The following STXBP5L variants were observed in gnomAD, a reference collection of about 807,000 sequenced individuals.
STXBP5L encodes syntaxin binding protein 5L, also known as syntaxin-binding protein 5-like.
STXBP5L carries 65 observed loss-of-function variants against 144.5 expected under a neutral mutation model. That is an observed-to-expected ratio of 0.45 (90% CI 0.37 to 0.55). STXBP5L has a LOEUF of 0.55. Ranked by LOEUF, STXBP5L falls within the 20% of genes least tolerant of loss-of-function variation. The pLI is 0.00. For synonymous variants in STXBP5L, 505 were observed against 469.6 expected (o/e 1.08, Z -0.97); for missense variants, 1,298 against 1,405.5 (o/e 0.92, Z 1.22).
intron 20 of STXBP5L, among the ~76,000 whole-genome samples, chr3:121,319,354 T>C (rs1470125530): frequency 6.6e-6 from 1 of 152,156 alleles, no homozygotes; most frequent in African/African-American, 2.4e-5. Flanking sequence ...ATAATGCCAT[T>C]ATAAAGCAAC....
chr3:121,154,486 G>C (rs1274655645), intron 8 of STXBP5L, among the ~76,000 whole-genome samples: 4 of 151,618 alleles, frequency 2.6e-5, no homozygotes, highest in South Asian at 2.1e-4. Context: ...TTATTCACTT[G>C]TCTGTGTCTT....
At chr3:121,030,101 A>G (rs1162689077) in intron 3 of STXBP5L, among the ~76,000 whole-genome samples, 2 of 152,176 alleles carry the variant, frequency 1.3e-5, no homozygotes, top group Admixed American at 6.6e-5. Flanking sequence ...TAGTTCAACC[A>G]TTGTGGAAGA....
At chr3:121,315,433 A>C (rs1013104421) in intron 19 of STXBP5L, among the ~76,000 whole-genome samples, 2 of 145,686 alleles carry the variant, frequency 1.4e-5, no homozygotes, top group East Asian at 4.3e-4. Context: ...GGAATTGAAA[A>C]ATGAGAACAC....
intron 5 of STXBP5L, among the ~76,000 whole-genome samples, chr3:121,087,366 G>T (rs1160721710): frequency 6.6e-6 from 1 of 151,886 alleles, no homozygotes; most frequent in Non-Finnish European, 1.5e-5. Flanking sequence ...AGCCTGTTTG[G>T]TGCATTCACA....
chr3:121,288,794 G>A (rs1559938803), intron 19 of STXBP5L, among the ~76,000 whole-genome samples: 1 of 152,120 alleles, frequency 6.6e-6, no homozygotes, highest in Admixed American at 6.6e-5. Flanking sequence ...AAGGTTGTCT[G>A]TATACTCTGT....
intron 5 of STXBP5L, among the ~76,000 whole-genome samples, chr3:121,082,145 CA>C (rs55864716): frequency 5.3e-5 from 8 of 150,522 alleles, no homozygotes; most frequent in Non-Finnish European, 7.4e-5. Context: ...TTTTACTTTT[CA>C]AAAAAAAATC....
At chr3:121,110,770 G>A (rs747903096) in intron 5 of STXBP5L, among the ~76,000 whole-genome samples, 1 of 152,050 alleles carries the variant, frequency 6.6e-6, no homozygotes, top group African/African-American at 2.4e-5. Flanking sequence ...TTGAATGTGG[G>A]CCTCTCTTGC....
At chr3:121,195,008 T>C (rs1002772819) in intron 9 of STXBP5L, among the ~76,000 whole-genome samples, 1 of 141,162 alleles carries the variant, frequency 7.1e-6, no homozygotes, top group Non-Finnish European at 1.5e-5. Flanking sequence ...CTCCGCCTCC[T>C]ACGTTCAAGT....
At chr3:120,920,153 A>G (rs1454646691) in intron 2 of STXBP5L, among the ~76,000 whole-genome samples, 1 of 151,750 alleles carries the variant, frequency 6.6e-6, no homozygotes, top group African/African-American at 2.4e-5. Flanking sequence ...TACGAAAGTA[A>G]CTCTTTAAGT....
chr3:121,098,759 C>G (rs1160394501), intron 5 of STXBP5L, among the ~76,000 whole-genome samples: 1 of 152,166 alleles, frequency 6.6e-6, no homozygotes, highest in Non-Finnish European at 1.5e-5. Context: ...TGGCCAGGTT[C>G]AAAAGACCAC....
In STXBP5L at chr3:121,303,546, A is replaced by G. The variant is rs1465315873; in HGVS notation, c.2111-14929A>G. Among the ~76,000 whole-genome samples, 7 of 152,264 alleles carry G rather than the reference A, an allele frequency of 4.6e-5. No homozygotes were observed. In the East Asian group the frequency reaches 1.3e-3, roughly 29 times the overall value. On this transcript the variant is annotated intron_variant, in intron 19 of 26. Transcript: ENST00000471454. ...TTACTGGGTATATACCCAAAGGATT[A>G]TAAATCATGCTGCTATAAAGACACA... is the stretch of plus-strand genomic sequence containing the variant.
At chr3:121,375,363 C>A (rs2046151925) in intron 20 of STXBP5L, among the ~76,000 whole-genome samples, 1 of 152,130 alleles carries the variant, frequency 6.6e-6, no homozygotes, top group Admixed American at 6.5e-5. Flanking sequence ...GCCTCTTAAA[C>A]CCTACTAAAT....
At chr3:121,289,146 GT>G (rs760049842) in intron 19 of STXBP5L, among the ~76,000 whole-genome samples, 5 of 152,094 alleles carry the variant, frequency 3.3e-5, no homozygotes, top group Non-Finnish European at 7.4e-5. Context: ...TAAACTTAAG[GT>G]AAAGGAGTAG....
chr3:121,201,781 T>A (rs2048149309), intron 9 of STXBP5L, among the ~76,000 whole-genome samples: 1 of 152,184 alleles, frequency 6.6e-6, no homozygotes, highest in Non-Finnish European at 1.5e-5. Flanking sequence ...TAAGCTTAGC[T>A]TGGCTGGATA....
chr3:121,363,549 G>A (rs1328410920), intron 20 of STXBP5L, among the ~76,000 whole-genome samples: 1 of 152,106 alleles, frequency 6.6e-6, no homozygotes, highest in Non-Finnish European at 1.5e-5. Context: ...ACTGATTTCA[G>A]TGCCTCACAA....
chr3:121,273,312 C>G (rs1228877152), intron 18 of STXBP5L, among the ~76,000 whole-genome samples: 1 of 143,884 alleles, frequency 7.0e-6, no homozygotes, highest in Non-Finnish European at 1.5e-5. Flanking sequence ...TTTTTTTTTT[C>G]TTTTTGCGCT....
At chr3:120,992,895 C>G (rs947297094) in intron 3 of STXBP5L, among the ~76,000 whole-genome samples, 4 of 151,924 alleles carry the variant, frequency 2.6e-5, no homozygotes, top group African/African-American at 4.8e-5. Flanking sequence ...TCTGTAATGC[C>G]TATACTAATT....
intron 10 of STXBP5L, among the ~76,000 whole-genome samples, chr3:121,213,846 GC>G (rs1337370498): frequency 6.6e-6 from 1 of 152,072 alleles, no homozygotes; most frequent in Non-Finnish European, 1.5e-5. Context: ...GTGGTCCTGG[GC>G]TTTTTTGGGT....
Position 120,955,054 on chromosome 3 carries a change from GTTCA to G in STXBP5L, c.287+20_287+23del. ...TATACGAATGTATCCTTAAATTTTG[GTTCA>G]TTATCTGCCACAGTAATGCCAATTA... On this transcript the variant is annotated intron_variant, in intron 3 of 26. Transcript: ENST00000471454. 6.3e-7 allele frequency: 1 copy of G among 1,586,478 alleles called. No homozygotes were observed. Among genetic ancestry groups the G allele is most frequent in the Middle Eastern group, 1.7e-4 (1 of 5,970 alleles).
Sources: gnomAD v4.1 joint callset for allele counts (sites outside exome capture counted in the v4.1 genomes callset) on GRCh38, gnomAD v4.1.1 for gene constraint, MANE v1.5 for transcripts, NCBI Gene and HGNC (gene_info 2026-07-23, HGNC 2026-07-21) for gene names.